LRP1B: variants seen among roughly 807,000 people sequenced by gnomAD.
LRP1B encodes the protein LDL receptor related protein 1B.
A neutral mutation model predicts 556.6 loss-of-function variants in LRP1B; 217 were observed. That is an observed-to-expected ratio of 0.39 (90% CI 0.35 to 0.44). LRP1B has a LOEUF of 0.44. LRP1B is among the 20% of genes least tolerant of loss of function. The pLI is 1.00. For synonymous variants in LRP1B, 2,047 were observed against 1,865.8 expected (o/e 1.10, Z -2.50); for missense variants, 5,053 against 5,620.8 (o/e 0.90, Z 3.23).
intron 41 of LRP1B, among the ~76,000 whole-genome samples, chr2:140,617,478 A>AT (rs1322189530): frequency 3.3e-5 from 5 of 151,968 alleles, no homozygotes; most frequent in African/African-American, 1.2e-4. Context: ...CTCAGAGACT[A>AT]TTTTTAATAG....
rs551361900 is a variant in LRP1B at position 141,108,503 on chromosome 2, C to G, written c.1014-46230G>C. Among the ~76,000 whole-genome samples the G allele has an allele frequency of 4.6e-5, 7 of 151,862 alleles. No individual in the cohort carries two copies. In the South Asian group the frequency reaches 1.5e-3, roughly 32 times the overall value. On this transcript the variant is annotated intron_variant, in intron 7 of 90. Transcript: ENST00000389484. ...AGCTGGGATTACAGGTGCCTGCCAC[C>G]ATGCCCAGCTAATTTTTTGTATTTT...
chr2:141,692,531 A>G (rs912216587), intron 2 of LRP1B, among the ~76,000 whole-genome samples: 3 of 152,000 alleles, frequency 2.0e-5, no homozygotes, highest in African/African-American at 7.2e-5. Context: ...AGCTTCATCC[A>G]GGGACTGGCT....
chr2:141,382,894 CT>C (rs1303270598), intron 3 of LRP1B, among the ~76,000 whole-genome samples: 2 of 151,998 alleles, frequency 1.3e-5, no homozygotes, highest in Non-Finnish European at 2.9e-5. Context: ...AACTAAAAAG[CT>C]TTTTGCCTAG....
chr2:140,288,951 T>G (rs550019072), intron 84 of LRP1B, among the ~76,000 whole-genome samples: 1 of 152,006 alleles, frequency 6.6e-6, no homozygotes, highest in South Asian at 2.1e-4. Flanking sequence ...AGTAGAAGAT[T>G]AAACCACCTT....
At chr2:140,704,748 G>C (rs190865638) in intron 37 of LRP1B, among the ~76,000 whole-genome samples, 43 of 152,214 alleles carry the variant, frequency 2.8e-4, no homozygotes, top group African/African-American at 9.9e-4. Context: ...GTGCTTACCT[G>C]TCTAATCTGA....
intron 2 of LRP1B, among the ~76,000 whole-genome samples, chr2:141,740,907 C>G (rs1257565391): frequency 6.6e-6 from 1 of 152,088 alleles, no homozygotes; most frequent in Non-Finnish European, 1.5e-5. Flanking sequence ...CATCCCCCTA[C>G]CCCCCAACCC....
chr2:141,336,341 C>T (rs986948581), intron 3 of LRP1B, among the ~76,000 whole-genome samples: 2 of 152,042 alleles, frequency 1.3e-5, no homozygotes, highest in African/African-American at 2.4e-5. Context: ...ATAATGGATA[C>T]CTCAAACTCC....
chr2:141,378,345 G>A (rs1573876655), intron 3 of LRP1B, among the ~76,000 whole-genome samples: 2 of 151,976 alleles, frequency 1.3e-5, no homozygotes, highest in South Asian at 4.2e-4. Context: ...AGGCAACCAC[G>A]AGTAAAACTA....
chr2:141,775,842 C>CTTTTT (rs770939865), intron 2 of LRP1B, among the ~76,000 whole-genome samples: 2 of 134,528 alleles, frequency 1.5e-5, no homozygotes, highest in Non-Finnish European at 3.2e-5. Context: ...TCAGGTTTTC[C>CTTTTT]TTTTTTTTTT....
At chr2:140,525,430 AG>A (rs1690389472) in intron 49 of LRP1B, among the ~76,000 whole-genome samples, 1 of 151,948 alleles carries the variant, frequency 6.6e-6, no homozygotes, top group South Asian at 2.1e-4. Flanking sequence ...ACTACACCAA[AG>A]GATTTTGTAA....
chr2:140,506,709 C>T (rs1689431061), intron 53 of LRP1B, 87 bp downstream of exon 53: 2 of 1,396,804 alleles, frequency 1.4e-6, no homozygotes, highest in Non-Finnish European at 9.8e-7. Context: ...AAATGTGTTG[C>T]TTGTTGCTTT....
intron 7 of LRP1B, among the ~76,000 whole-genome samples, chr2:141,101,370 A>G (rs1700456888): frequency 6.6e-6 from 1 of 152,142 alleles, no homozygotes; most frequent in Non-Finnish European, 1.5e-5. Flanking sequence ...ACCACTCTAA[A>G]GCCACATGAG....
chr2:141,441,497 G>C (rs1312609608), intron 3 of LRP1B, among the ~76,000 whole-genome samples: 1 of 152,140 alleles, frequency 6.6e-6, no homozygotes, highest in Non-Finnish European at 1.5e-5. Context: ...CAACTAATCA[G>C]AGTCCTAATT....
At position 140,713,325 on chromosome 2, in the gene LRP1B, ATT is replaced by A. The variant is rs35704146; in HGVS notation, c.6023+2646_6023+2647del. Among the ~76,000 whole-genome samples the A allele has an allele frequency of 4.7e-3, 687 of 147,570 alleles. 1 individual carries two copies. Among genetic ancestry groups the A allele is most frequent in the African/African-American group, 0.016 (647 of 40,208 alleles). On this transcript the variant is annotated intron_variant, in intron 37 of 90. Coordinates refer to ENST00000389484, the MANE Select transcript of LRP1B (RefSeq NM_018557.3). ...GGATTTGCAGTGAAAAAGGTATAGA[ATT>A]TTTTTTTTTTTCATTTACTGCTATT...
At chr2:140,733,852 C>T (rs940609269) in intron 35 of LRP1B, among the ~76,000 whole-genome samples, 4 of 152,156 alleles carry the variant, frequency 2.6e-5, no homozygotes, top group African/African-American at 7.2e-5. Context: ...ACAAAATAAT[C>T]AAAAACATAC....
At chr2:140,664,584 A>T (rs1264489098) in intron 41 of LRP1B, among the ~76,000 whole-genome samples, 1 of 152,164 alleles carries the variant, frequency 6.6e-6, no homozygotes, top group Non-Finnish European at 1.5e-5. Context: ...AATGCAAAAC[A>T]CTAAAACCAG....
chr2:140,694,112 A>C (rs1686342139), intron 41 of LRP1B, among the ~76,000 whole-genome samples: 1 of 152,218 alleles, frequency 6.6e-6, no homozygotes, highest in Admixed American at 6.5e-5. Context: ...GTTAAAACAA[A>C]ACATCAGAAT....
intron 7 of LRP1B, among the ~76,000 whole-genome samples, chr2:141,150,866 G>GCT (rs1553467348): frequency 2.2e-5 from 1 of 45,818 alleles, no homozygotes. Flanking sequence ...TTGTCATGCT[G>GCT]GTTTGTGTGT....
At chr2:141,829,706 C>T (rs1697050511) in intron 1 of LRP1B, among the ~76,000 whole-genome samples, 1 of 151,920 alleles carries the variant, frequency 6.6e-6, no homozygotes, top group African/African-American at 2.4e-5. Flanking sequence ...ATGTTCTCCA[C>T]CTCCCCCAAT....
Sources: allele counts gnomAD v4.1 joint callset (sites outside exome capture counted in the v4.1 genomes callset), GRCh38; gene constraint gnomAD v4.1.1; transcripts MANE v1.5; gene names NCBI Gene and HGNC (gene_info 2026-07-23, HGNC 2026-07-21).